The following ASTN2 variants were observed in gnomAD, a reference collection of about 807,000 sequenced individuals.
ASTN2 encodes the protein astrotactin-2.
Under a neutral mutation model 139.8 loss-of-function variants are expected in ASTN2, and 54 were observed. The ratio of observed to expected loss-of-function variants is 0.39; its 90% CI spans 0.31 to 0.48. The LOEUF (loss-of-function observed/expected upper bound fraction) is 0.48. Ranked by LOEUF, ASTN2 falls within the 20% of genes least tolerant of loss-of-function variation. The pLI, the probability that ASTN2 is intolerant of heterozygous loss-of-function variation, is 0.95. For missense variants in ASTN2, 1,565 were observed against 1,725.1 expected, an observed-to-expected ratio of 0.91 and a Z score of 1.64; for synonymous variants, 756 against 719.5, an observed-to-expected ratio of 1.05 and a Z score of -0.81.
intron 20 of ASTN2, among the ~76,000 whole-genome samples, chr9:116,471,708 C>T (rs1371968340): frequency 6.6e-6 from 1 of 152,030 alleles, no homozygotes; most frequent in African/African-American, 2.4e-5. Context: ...TACTAGGTGC[C>T]AGAAATGGAC....
chr9:116,507,287 A>AATAT (rs1398468715), intron 19 of ASTN2, among the ~76,000 whole-genome samples: 2 of 152,212 alleles, frequency 1.3e-5, no homozygotes, highest in Admixed American at 1.3e-4. Flanking sequence ...GTCACCTGAC[A>AATAT]TCCTCAGAGT....
intron 19 of ASTN2, among the ~76,000 whole-genome samples, chr9:116,592,631 G>C (rs773679653): frequency 1.3e-5 from 2 of 152,274 alleles, no homozygotes; most frequent in East Asian, 3.9e-4. Flanking sequence ...TTTTCCATTT[G>C]AGCTTGGTTG....
intron 1 of ASTN2, among the ~76,000 whole-genome samples, chr9:117,328,317 T>C (rs140444463): frequency 5.5e-4 from 84 of 152,172 alleles, no homozygotes; most frequent in Admixed American, 9.2e-4. Context: ...GTATAGAATG[T>C]GCAGAATCTC....
chr9:116,908,576 G>T (rs948448956), intron 10 of ASTN2, among the ~76,000 whole-genome samples: 2 of 152,058 alleles, frequency 1.3e-5, no homozygotes, highest in Non-Finnish European at 2.9e-5. Context: ...AAAGTCTCTC[G>T]CAGAGCCAAA....
At chr9:116,849,711 C>T (rs150400533) in intron 11 of ASTN2, among the ~76,000 whole-genome samples, 145 of 151,690 alleles carry the variant, frequency 9.6e-4, no homozygotes, top group Non-Finnish European at 1.7e-3. Flanking sequence ...GCTGGACATA[C>T]GGACTTTTCC....
chr9:117,341,793 C>CA (rs1829067741), intron 1 of ASTN2, among the ~76,000 whole-genome samples: 1 of 152,188 alleles, frequency 6.6e-6, no homozygotes, highest in African/African-American at 2.4e-5. Flanking sequence ...TTTCACATCT[C>CA]ATCCATCCTC....
intron 20 of ASTN2, among the ~76,000 whole-genome samples, chr9:116,472,667 G>T (rs1450641927): frequency 1.3e-5 from 2 of 151,952 alleles, no homozygotes. Context: ...ACCTTGGGAG[G>T]CTGAGGCAGG....
At chr9:116,748,418 C>G (rs772007734) in intron 13 of ASTN2, among the ~76,000 whole-genome samples, 5 of 152,170 alleles carry the variant, frequency 3.3e-5, no homozygotes, top group African/African-American at 4.8e-5. Context: ...CCTCAATCCC[C>G]GAGGGGTCTA....
At chr9:117,333,112 A>C (rs942137763) in intron 1 of ASTN2, among the ~76,000 whole-genome samples, 3 of 152,178 alleles carry the variant, frequency 2.0e-5, no homozygotes, top group African/African-American at 7.2e-5. Context: ...ATATACTCTA[A>C]AGAGGCAGAT....
chr9:116,604,172 G>A (rs1291884594), intron 19 of ASTN2, among the ~76,000 whole-genome samples: 1 of 152,116 alleles, frequency 6.6e-6, no homozygotes, highest in East Asian at 1.9e-4. Flanking sequence ...CCAGGACATA[G>A]ACCATAGTAA....
chr9:116,960,985 TAGG>T (rs1835860267), intron 10 of ASTN2, among the ~76,000 whole-genome samples: 2 of 148,216 alleles, frequency 1.3e-5, no homozygotes, highest in Non-Finnish European at 3.0e-5. Context: ...CGGTCACACC[TAGG>T]AGGAGACTGC....
intron 11 of ASTN2, among the ~76,000 whole-genome samples, chr9:116,836,650 C>T (rs1832003984): frequency 6.6e-6 from 1 of 152,000 alleles, no homozygotes; most frequent in Non-Finnish European, 1.5e-5. Flanking sequence ...GCTGCAGGCT[C>T]CTTTAGCTCC....
rs117251528 is a variant in ASTN2 at position 116,861,352 on chromosome 9, A to G, written c.2040+2231T>C. On this transcript the variant is annotated intron_variant, in intron 11 of 22. Coordinates refer to ENST00000313400, the MANE Select transcript of ASTN2 (RefSeq NM_001365068.1). ...TTTGAGAAAAGAGAACTAATGGAAA[A>G]GAGGAAAGAGGCAGACAACTTAATC... 4.4e-3 allele frequency among the ~76,000 whole-genome samples: 671 copies of G among 152,292 alleles called. 2 individuals are homozygous for G. The highest frequency in any genetic ancestry group is 7.1e-3 in the Admixed American group (108 of 15,298).
At position 116,698,810 on chromosome 9, in the gene ASTN2, C is replaced by G; in HGVS notation, c.2806+26961G>C. On this transcript the variant is annotated intron_variant, in intron 16 of 22. Transcript: ENST00000313400. This position sits in a 1 kb window ranked among gnomAD's most constrained non-coding sequence, Gnocchi z 4.4. ...CAGCCTCCAATATCCAGCAGTGCCT[C>G]TTTCTCAAGAAGATGGGGGCCAAAG... 6.2e-7 allele frequency: 1 copy of G among 1,614,214 alleles called. No individual in the cohort carries two copies. Among genetic ancestry groups the G allele is most frequent in the Non-Finnish European group, 8.5e-7 (1 of 1,180,048 alleles).
intron 10 of ASTN2, among the ~76,000 whole-genome samples, chr9:116,912,336 G>A (rs1467830605): frequency 6.6e-6 from 1 of 152,226 alleles, no homozygotes; most frequent in African/African-American, 2.4e-5. Flanking sequence ...TAGGCTTAGA[G>A]TCAGATTCCA....
intron 5 of ASTN2, among the ~76,000 whole-genome samples, chr9:117,095,604 GT>G (rs1347103199): frequency 6.6e-6 from 1 of 152,116 alleles, no homozygotes; most frequent in Non-Finnish European, 1.5e-5. Flanking sequence ...TTCTGAGTAT[GT>G]TTCCCTTCAC....
rs528068616 is a variant in ASTN2, at chr9:117,311,334, G to A, written c.443-19821C>T. ...CCTCCTAATGAAATCATCTCCGGCA[G>A]ACCCTGTTAGTGACCGGTCTGGAAT... On this transcript the variant is annotated intron_variant, in intron 1 of 22. Coordinates refer to ENST00000313400, the MANE Select transcript of ASTN2 (RefSeq NM_001365068.1). 3.9e-5 allele frequency among the ~76,000 whole-genome samples: 6 copies of A among 152,072 alleles called. No homozygotes were observed. The East Asian group carries it at 9.7e-4, about 25-fold the overall frequency.
chr9:116,426,135 G>T, intron 22 of ASTN2, 47 bp from the exon 23 acceptor site: 1 of 1,598,744 alleles, frequency 6.3e-7, no homozygotes, highest in South Asian at 1.1e-5. Flanking sequence ...TCCAGATCAA[G>T]AGTTAGACCT....
rs534721590 is a variant in ASTN2, at chr9:117,305,765, T to C, written c.443-14252A>G. 3.3e-5 allele frequency among the ~76,000 whole-genome samples: 5 copies of C among 152,366 alleles called. No individual in the cohort carries two copies. In the South Asian group the frequency reaches 8.3e-4, roughly 25 times the overall value. On this transcript the variant is annotated intron_variant, in intron 1 of 22. Coordinates refer to ENST00000313400, the MANE Select transcript of ASTN2 (RefSeq NM_001365068.1). ...CTTACTCTGTGCGAGTCTCTGTTCT[T>C]AGCTGTGTGCACATATCTCATTTCA...
Sources: gnomAD v4.1 joint callset for allele counts (sites outside exome capture counted in the v4.1 genomes callset) on GRCh38, gnomAD v4.1.1 for gene constraint, Gnocchi (gnomAD v3.1) non-coding constraint, MANE v1.5 for transcripts, NCBI Gene and HGNC (gene_info 2026-07-23, HGNC 2026-07-21) for gene names.